The following CDH4 variants were observed in gnomAD, a reference collection of about 807,000 sequenced individuals.
CDH4 encodes the protein cadherin-4.
A neutral mutation model predicts 86.0 loss-of-function variants in CDH4; 33 were observed. That is an observed-to-expected ratio of 0.38 (90% confidence interval 0.29 to 0.51). The LOEUF is 0.51. Ranked by LOEUF, CDH4 falls within the 20% of genes least tolerant of loss-of-function variation. CDH4 has a pLI of 0.86. For missense variants in CDH4, 1,114 were observed against 1,307.4 expected (o/e 0.85, Z 2.28); for synonymous variants, 555 against 549.4 (o/e 1.01, Z -0.14).
chr20:61,352,249 TTCTG>T (rs1183719313), intron 2 of CDH4, among the ~76,000 whole-genome samples: 1 of 152,222 alleles, frequency 6.6e-6, no homozygotes, highest in African/African-American at 2.4e-5. Context: ...AAGTTTGTCT[TTCTG>T]TCCTGCAACT....
In CDH4 at chr20:61,409,555, C is replaced by T. The variant is rs550324742; in HGVS notation, c.169+154618C>T. Among the ~76,000 whole-genome samples, 3 of 152,350 alleles carry T rather than the reference C, an allele frequency of 2.0e-5. No homozygotes were observed. The South Asian group carries it at 6.2e-4, about 32-fold the overall frequency. On this transcript the variant is annotated intron_variant, in intron 2 of 15. Coordinates refer to ENST00000614565, the MANE Select transcript of CDH4 (RefSeq NM_001794.5). ...CAGTCGGGACTCACCGTCGCCACCG[C>T]CCTGAGAGGTATCGCACTGTGTGCA... is the stretch of plus-strand genomic sequence containing the variant.
At chr20:61,507,402 A>G (rs943929652) in intron 2 of CDH4, among the ~76,000 whole-genome samples, 1 of 152,146 alleles carries the variant, frequency 6.6e-6, no homozygotes, top group Non-Finnish European at 1.5e-5. Context: ...ATCCAAATGG[A>G]GATGGAGGGT....
intron 6 of CDH4, among the ~76,000 whole-genome samples, chr20:61,870,349 G>A (rs1983746745): frequency 6.6e-6 from 1 of 152,222 alleles, no homozygotes. Flanking sequence ...TAGGGGCTGG[G>A]GCAGGGTGAG....
chr20:61,375,808 G>A (rs2084865928), intron 2 of CDH4, among the ~76,000 whole-genome samples: 1 of 148,190 alleles, frequency 6.7e-6, no homozygotes, highest in Non-Finnish European at 1.5e-5. Context: ...GTTTGTTGAT[G>A]GTAGTGTGAT....
chr20:61,858,221 CTCTGTGTCTGTGTG>C (rs1322076670), intron 6 of CDH4, among the ~76,000 whole-genome samples: 29 of 138,474 alleles, frequency 2.1e-4, no homozygotes, highest in South Asian at 1.2e-3. Context: ...GTGTCTGTGT[CTCTGTGTCTGTGTG>C]TCTGTGTCTG....
At chr20:61,396,203 A>G (rs1568828482) in intron 2 of CDH4, among the ~76,000 whole-genome samples, 1 of 152,178 alleles carries the variant, frequency 6.6e-6, no homozygotes, top group Non-Finnish European at 1.5e-5. Context: ...CTTTTGCAGA[A>G]AAAGTGGTTA....
intron 2 of CDH4, among the ~76,000 whole-genome samples, chr20:61,730,578 T>A (rs1001549509): frequency 2.6e-4 from 39 of 152,320 alleles, no homozygotes; most frequent in African/African-American, 8.7e-4. Flanking sequence ...CAAAGTCACC[T>A]GGTTGGAAGG....
intron 2 of CDH4, among the ~76,000 whole-genome samples, chr20:61,457,595 C>T (rs919837497): frequency 1.3e-5 from 2 of 151,862 alleles, no homozygotes; most frequent in Non-Finnish European, 2.9e-5. Context: ...GTACGATGGT[C>T]ATGATCATGA....
chr20:61,665,891 G>A (rs1342989297), intron 2 of CDH4, among the ~76,000 whole-genome samples: 1 of 152,204 alleles, frequency 6.6e-6, no homozygotes, highest in East Asian at 1.9e-4. Context: ...AGGAAGCCCA[G>A]GAAAATCGCA....
intron 3 of CDH4, among the ~76,000 whole-genome samples, chr20:61,759,391 A>G (rs2088604735): frequency 6.6e-6 from 1 of 152,214 alleles, no homozygotes; most frequent in Non-Finnish European, 1.5e-5. Flanking sequence ...TGTGAGACTG[A>G]AACGCCACAT....
intron 2 of CDH4, among the ~76,000 whole-genome samples, chr20:61,504,131 G>A (rs954556212): frequency 1.3e-5 from 2 of 152,164 alleles, no homozygotes; most frequent in African/African-American, 2.4e-5. Flanking sequence ...GGGCCTTCAG[G>A]ATCTCAGAGC....
At position 61,773,176 on chromosome 20, in the gene CDH4, C is replaced by G. The variant is rs2088798333; in HGVS notation, c.570C>G (p.Leu190=). 6.4e-7 allele frequency: 1 copy of G among 1,569,966 alleles called. No homozygotes were observed. Among genetic ancestry groups the G allele is most frequent in the Non-Finnish European group, 8.6e-7 (1 of 1,157,824 alleles). Residue 190 remains leucine (L), a synonymous_variant, in exon 4 of 16, where the codon CTC becomes CTG. Transcript: ENST00000614565. ...CGCGCGGGCCCTTCCCGCAGCAGCT[C>G]GTGAGGGTGAGTGCAGACCCCTCCC... ...ENSRGPFPQQ[L]VRIRSDKDND... is the part of the protein sequence containing the mutation.
intron 2 of CDH4, among the ~76,000 whole-genome samples, chr20:61,728,759 T>A (rs1174992700): frequency 6.6e-6 from 1 of 152,214 alleles, no homozygotes; most frequent in Non-Finnish European, 1.5e-5. Flanking sequence ...TTCATGTTGG[T>A]TCATGAAATG....
rs1984165759 is a variant in CDH4, at chr20:61,879,086, C to A, written c.1050+5186C>A. On this transcript the variant is annotated intron_variant, in intron 7 of 15. Coordinates refer to ENST00000614565, the MANE Select transcript of CDH4 (RefSeq NM_001794.5). The surrounding 1 kb of genome is among the most constrained non-coding windows in gnomAD (Gnocchi z 4.1). ...GGTTTTAAGACAACGGCTCCAGGACCACCGTTGCCAGGCATTAGTAAACCC... is the reference window on the plus strand; with the variant it reads ...GGTTTTAAGACAACGGCTCCAGGACAACCGTTGCCAGGCATTAGTAAACCC... 6.6e-6 allele frequency among the ~76,000 whole-genome samples: 1 copy of A among 152,248 alleles called. No individual in the cohort carries two copies. The highest frequency in any genetic ancestry group is 6.5e-5 in the Admixed American group (1 of 15,288).
chr20:61,290,935 G>A (rs2084317209), intron 2 of CDH4, among the ~76,000 whole-genome samples: 1 of 152,200 alleles, frequency 6.6e-6, no homozygotes, highest in Non-Finnish European at 1.5e-5. Flanking sequence ...TCAAGAGCCT[G>A]TATCTTTCCA....
chr20:61,935,240 C>T (rs1266763134), intron 15 of CDH4, among the ~76,000 whole-genome samples: 1 of 152,228 alleles, frequency 6.6e-6, no homozygotes, highest in African/African-American at 2.4e-5. Flanking sequence ...GTCAGAATCT[C>T]ACTTTAAAGG....
At chr20:61,741,268 C>G (rs982194105) in intron 2 of CDH4, among the ~76,000 whole-genome samples, 2 of 152,132 alleles carry the variant, frequency 1.3e-5, no homozygotes, top group Admixed American at 6.5e-5. Context: ...TGGTGCGGTC[C>G]CCCGGGCATC....
intron 2 of CDH4, among the ~76,000 whole-genome samples, chr20:61,640,705 C>G (rs1315770994): frequency 6.6e-6 from 1 of 152,106 alleles, no homozygotes; most frequent in Non-Finnish European, 1.5e-5. Flanking sequence ...TATAGAGCAG[C>G]CTTGAATCCA....
At chr20:61,354,643 G>A (rs1041965499) in intron 2 of CDH4, among the ~76,000 whole-genome samples, 17 of 152,384 alleles carry the variant, frequency 1.1e-4, no homozygotes, top group Non-Finnish European at 1.6e-4. Flanking sequence ...TGGGTTCCCT[G>A]TATGGCCTGG....
Sources: allele counts gnomAD v4.1 joint callset (sites outside exome capture counted in the v4.1 genomes callset), GRCh38; gene constraint gnomAD v4.1.1; non-coding constraint Gnocchi (gnomAD v3.1); transcripts MANE v1.5; gene names NCBI Gene and HGNC (gene_info 2026-07-23, HGNC 2026-07-21).